Variants in PPP2CB observed in about 807,000 individuals in gnomAD.
PPP2CB encodes the protein protein phosphatase 2 catalytic subunit beta.
A neutral mutation model predicts 39.1 loss-of-function variants in PPP2CB; 18 were observed. The ratio of observed to expected loss-of-function variants is 0.46; its 90% confidence interval spans 0.32 to 0.68. The LOEUF (loss-of-function observed/expected upper bound fraction) is 0.68. PPP2CB is among the 30% of genes least tolerant of loss of function. The probability of loss-of-function intolerance (pLI) is 0.04; values close to 1 mark genes in which losing one functional copy is unlikely to be tolerated. For missense variants in PPP2CB, 226 were observed against 396.9 expected, an observed-to-expected ratio of 0.57 and a Z score of 3.66; for synonymous variants, 129 against 133.8, an observed-to-expected ratio of 0.96 and a Z score of 0.25.
intron 5 of PPP2CB, 39 bp downstream of exon 5, chr8:30,793,878 A>G: frequency 6.4e-7 from 1 of 1,571,446 alleles, no homozygotes. Context: ...AGTATATACT[A>G]ATCTGAAATA....
chr8:30,805,541 C>G (rs1340355900), intron 1 of PPP2CB, among the ~76,000 whole-genome samples: 1 of 151,806 alleles, frequency 6.6e-6, no homozygotes, highest in African/African-American at 2.4e-5. Flanking sequence ...GCCTGGATGA[C>G]AGAGAGAGAG....
chr8:30,809,265 T>C (rs1806783203), intron 1 of PPP2CB, among the ~76,000 whole-genome samples: 1 of 151,960 alleles, frequency 6.6e-6, no homozygotes, highest in Non-Finnish European at 1.5e-5. Flanking sequence ...TTGGTACATA[T>C]TATCTCTGTC....
intron 6 of PPP2CB, among the ~76,000 whole-genome samples, chr8:30,789,428 T>C (rs1188928948): frequency 1.3e-5 from 2 of 152,218 alleles, no homozygotes; most frequent in African/African-American, 4.8e-5. Flanking sequence ...TTAAGCCCCC[T>C]TGGCCAGTTA....
At chr8:30,791,975 T>G (rs560687808) in intron 5 of PPP2CB, among the ~76,000 whole-genome samples, 44 of 88,352 alleles carry the variant, frequency 5.0e-4, no homozygotes, top group Non-Finnish European at 7.2e-4. Flanking sequence ...CGTGTGTATA[T>G]GTGTATATAT....
chr8:30,800,935 G>A (rs1402095460), intron 1 of PPP2CB, among the ~76,000 whole-genome samples: 2 of 152,182 alleles, frequency 1.3e-5, no homozygotes, highest in Non-Finnish European at 2.9e-5. Flanking sequence ...AGCCTGGCGC[G>A]GTGGCTCATG....
chr8:30,799,462 A>G, intron 2 of PPP2CB, 84 bp downstream of exon 2: 1 of 1,152,312 alleles, frequency 8.7e-7, no homozygotes, highest in Non-Finnish European at 1.3e-6. Flanking sequence ...AACAGACCAT[A>G]AAACAGATGA....
chr8:30,788,550 A>G (rs1254766513), intron 6 of PPP2CB, among the ~76,000 whole-genome samples: 1 of 152,242 alleles, frequency 6.6e-6, no homozygotes, highest in African/African-American at 2.4e-5. Flanking sequence ...GCATCCAGCC[A>G]TGTTAATGAT....
rs1806545577 is a variant in PPP2CB, at chr8:30,797,437, G to A, written c.486+144C>T. On this transcript the variant is annotated intron_variant, in intron 3 of 6. Coordinates refer to ENST00000221138, the MANE Select transcript of PPP2CB (RefSeq NM_001009552.2). ...TGAAACTTATCCACTTCCCTGCTTT[G>A]AAATTTTAAGTATAAGGGAAGGAGG... The A allele has an allele frequency of 5.0e-6, 4 of 793,598 alleles. No individual in the cohort carries two copies. In the Admixed American group the frequency reaches 1.0e-4, roughly 20 times the overall value. 49.2% of individuals were successfully genotyped at this position (793,598 alleles called of 1,614,324 possible). A position where few individuals can be genotyped will look rare whatever the true frequency, so the allele number is the denominator to read the frequency against.
intron 1 of PPP2CB, among the ~76,000 whole-genome samples, chr8:30,803,975 A>AC (rs1238582655): frequency 6.6e-6 from 1 of 152,104 alleles, no homozygotes; most frequent in African/African-American, 2.4e-5. Context: ...GGCGCGTGCC[A>AC]CCACACCCAG....
At chr8:30,795,373 C>T (rs1806505696) in intron 3 of PPP2CB, among the ~76,000 whole-genome samples, 1 of 152,096 alleles carries the variant, frequency 6.6e-6, no homozygotes, top group Non-Finnish European at 1.5e-5. Flanking sequence ...CCTTGGCCTC[C>T]CAAAGTGCTG....
chr8:30,808,585 C>T (rs896276157), intron 1 of PPP2CB, among the ~76,000 whole-genome samples: 1 of 152,136 alleles, frequency 6.6e-6, no homozygotes, highest in Non-Finnish European at 1.5e-5. Context: ...CTTTATTTTT[C>T]TCATATTTTC....
In PPP2CB at chr8:30,791,238, C is replaced by G; in HGVS notation, c.816G>C (p.Gln272His). Reference protein sequence around the residue: ...APNYCYRCGNQAAIMELDDTL... With the variant: ...APNYCYRCGNHAAIMELDDTL... The stretch of plus-strand genomic sequence containing the variant: ...TGTCATCTAATTCCATGATAGCAGC[C>G]TGGTTCCCACAACGATAACAGTAAT... Residue 272 changes from glutamine (Q) to histidine (H), a missense_variant, in exon 6 of 7, where the codon CAG becomes CAC. Around this residue, in one of 4 missense-constraint regions of PPP2CB, gnomAD observed 56 missense variants for 92.0 expected, o/e 0.61. Transcript: ENST00000221138. The G allele has an allele frequency of 6.2e-7, 1 of 1,612,460 alleles. No individual in the cohort carries two copies. Among genetic ancestry groups the G allele is most frequent in the Non-Finnish European group, 8.5e-7 (1 of 1,179,566 alleles).
In PPP2CB at chr8:30,793,960, T is replaced by C. The variant is rs533395783; in HGVS notation, c.695A>G (p.Asn232Ser). The change falls in exon 5 of 7, where the codon AAT (asparagine) becomes AGT (serine). Residue 232 changes from asparagine to serine, a missense_variant. Physicochemically the swap from Asn to Ser is conservative, Grantham distance 46. Coordinates refer to ENST00000221138, the MANE Select transcript of PPP2CB (RefSeq NM_001009552.2). ...QDISETFNHA[N>S]GLTLVSRAHQ... ...GGCACGAGAAACCAGTGTGAGACCATTGGCATGGTTAAAGGTTTCAGAAAT... is the reference window on the plus strand; with the variant it reads ...GGCACGAGAAACCAGTGTGAGACCACTGGCATGGTTAAAGGTTTCAGAAAT... 6.2e-6 allele frequency: 10 copies of C among 1,614,044 alleles called. No homozygotes were observed. The highest frequency in any genetic ancestry group is 7.6e-6 in the Non-Finnish European group (9 of 1,179,990).
chr8:30,791,425 AGTC>A (rs751761615), intron 5 of PPP2CB, 110 bp from the exon 6 acceptor site: 13 of 765,464 alleles, frequency 1.7e-5, no homozygotes, highest in South Asian at 4.8e-5. Flanking sequence ...GTGGAAATGT[AGTC>A]GTCTATATTA....
intron 3 of PPP2CB, among the ~76,000 whole-genome samples, chr8:30,796,928 T>G (rs1806537199): frequency 6.6e-6 from 1 of 152,190 alleles, no homozygotes; most frequent in Non-Finnish European, 1.5e-5. Flanking sequence ...ACTGCAGCCT[T>G]AACTTCCTGG....
At chr8:30,801,940 G>A (rs939663495) in intron 1 of PPP2CB, among the ~76,000 whole-genome samples, 1 of 152,088 alleles carries the variant, frequency 6.6e-6, no homozygotes, top group African/African-American at 2.4e-5. Context: ...TCTCTCTAGT[G>A]TTCTAAATCA....
intron 1 of PPP2CB, among the ~76,000 whole-genome samples, chr8:30,806,561 A>G (rs1806729608): frequency 6.6e-6 from 1 of 152,236 alleles, no homozygotes; most frequent in Admixed American, 6.5e-5. Context: ...GATTTCTTAT[A>G]CAGATTACTT....
Position 30,806,739 on chromosome 8 carries a change from G to T in PPP2CB, c.102+5581C>A, listed in dbSNP as rs141985149. Reference sequence around the variant, plus strand: ...TATAACATTCGTACTGAAGAGAAAAGACTGTGAAGAAAAAATTTCTGCAAG... The same window carrying T: ...TATAACATTCGTACTGAAGAGAAAATACTGTGAAGAAAAAATTTCTGCAAG... On this transcript the variant is annotated intron_variant, in intron 1 of 6. Coordinates refer to ENST00000221138, the MANE Select transcript of PPP2CB (RefSeq NM_001009552.2). Among the ~76,000 whole-genome samples, 399 of 152,268 alleles carry T rather than the reference G, an allele frequency of 2.6e-3. 6 individuals carry two copies. The highest frequency in any genetic ancestry group is 9.2e-3 in the African/African-American group (382 of 41,560).
intron 6 of PPP2CB, among the ~76,000 whole-genome samples, chr8:30,787,433 T>C (rs1806362614): frequency 6.6e-6 from 1 of 152,156 alleles, no homozygotes; most frequent in Admixed American, 6.6e-5. Flanking sequence ...TCAACCTCCC[T>C]GGGCTCAGGT....
Sources: gnomAD v4.1 joint callset for allele counts (sites outside exome capture counted in the v4.1 genomes callset) on GRCh38, gnomAD v4.1.1 for gene constraint, gnomAD v4.1.1 regional missense constraint, MANE v1.5 for transcripts, NCBI Gene and HGNC (gene_info 2026-07-23, HGNC 2026-07-21) for gene names.